ZNF407: variants seen among roughly 807,000 people sequenced by gnomAD.
ZNF407 encodes the protein zinc finger protein 407.
In ZNF407, 17 loss-of-function variants were observed where a neutral mutation model predicts 131.2. The observed-to-expected ratio is 0.13, with a 90% CI of 0.09 to 0.19. The LOEUF (loss-of-function observed/expected upper bound fraction) is 0.19, where lower values mean the gene tolerates loss of function less well. ZNF407 is among the 10% of genes least tolerant of loss of function. ZNF407 has a pLI of 1.00. For synonymous variants in ZNF407, 1,156 were observed against 1,062.0 expected (o/e 1.09, Z -1.72); for missense variants, 2,681 against 2,830.6 (o/e 0.95, Z 1.20).
intron 3 of ZNF407, among the ~76,000 whole-genome samples, chr18:74,755,650 G>GCTAT (rs1436720517): frequency 2.2e-5 from 3 of 136,328 alleles, no homozygotes; most frequent in African/African-American, 8.4e-5. Context: ...GTGCAGTGGC[G>GCTAT]CTATCTCAGC....
chr18:75,018,069 T>A (rs1973065813), intron 8 of ZNF407, among the ~76,000 whole-genome samples: 1 of 152,192 alleles, frequency 6.6e-6, no homozygotes, highest in African/African-American at 2.4e-5. Context: ...AATAGTATAA[T>A]TGATATTTGC....
At chr18:74,890,158 G>T (rs1183727883) in intron 7 of ZNF407, 120 bp downstream of exon 7, 1 of 1,145,716 alleles carries the variant, frequency 8.7e-7, no homozygotes, top group East Asian at 3.1e-5. Flanking sequence ...ATTCGGTTGG[G>T]AGCTAATTAC....
At chr18:75,031,090 T>TG (rs1973234512) in intron 8 of ZNF407, among the ~76,000 whole-genome samples, 29 of 152,272 alleles carry the variant, frequency 1.9e-4, no homozygotes, top group South Asian at 1.4e-3. Context: ...ATAGCAGCAG[T>TG]TCACTCACCT....
chr18:74,685,783 G>A (rs1967083644), intron 3 of ZNF407, among the ~76,000 whole-genome samples: 1 of 152,130 alleles, frequency 6.6e-6, no homozygotes, highest in African/African-American at 2.4e-5. Context: ...CTCACATGCC[G>A]CCTTCGAAGT....
intron 8 of ZNF407, among the ~76,000 whole-genome samples, chr18:74,950,824 C>T (rs1972205518): frequency 6.6e-6 from 1 of 152,176 alleles, no homozygotes; most frequent in African/African-American, 2.4e-5. Context: ...ACCTGACTCT[C>T]CAGGGTTTTC....
chr18:74,863,711 G>T (rs1256328588), intron 4 of ZNF407, among the ~76,000 whole-genome samples: 2 of 152,084 alleles, frequency 1.3e-5, no homozygotes, highest in Non-Finnish European at 2.9e-5. Flanking sequence ...ACTCTATTAT[G>T]TTTTTCTATT....
chr18:74,811,839 A>C (rs1009857283), intron 4 of ZNF407, among the ~76,000 whole-genome samples: 9 of 149,734 alleles, frequency 6.0e-5, no homozygotes, highest in Admixed American at 2.7e-4. Context: ...ACACATGGAC[A>C]CAGGAAGGGG....
intron 4 of ZNF407, among the ~76,000 whole-genome samples, chr18:74,828,549 C>T (rs1007490136): frequency 6.7e-5 from 10 of 150,160 alleles, no homozygotes; most frequent in African/African-American, 2.4e-4. Context: ...TTATTTAGTC[C>T]ATTAAAATAA....
chr18:74,713,718 C>A (rs778514469), intron 3 of ZNF407, among the ~76,000 whole-genome samples: 1 of 151,974 alleles, frequency 6.6e-6, no homozygotes, highest in African/African-American at 2.4e-5. Flanking sequence ...ACAAACAGAC[C>A]GTGCTATAGA....
At chr18:74,809,158 A>G (rs1172919038) in intron 4 of ZNF407, among the ~76,000 whole-genome samples, 8 of 152,224 alleles carry the variant, frequency 5.3e-5, no homozygotes, top group Non-Finnish European at 8.8e-5. Flanking sequence ...CATCTTCGCC[A>G]TGCAATTTTA....
intron 3 of ZNF407, among the ~76,000 whole-genome samples, chr18:74,696,503 G>C (rs1967359145): frequency 6.6e-6 from 1 of 152,096 alleles, no homozygotes; most frequent in Admixed American, 6.6e-5. Context: ...GTTCTATTCG[G>C]AGCAATGACT....
chr18:74,675,470 T>C (rs1986316287), intron 3 of ZNF407, among the ~76,000 whole-genome samples: 1 of 152,204 alleles, frequency 6.6e-6, no homozygotes, highest in African/African-American at 2.4e-5. Flanking sequence ...ATGTATTTTT[T>C]ATGTGTTCCA....
rs567607028 is a variant in ZNF407, at chr18:74,977,088, A to G, written c.5428+56396A>G. On this transcript the variant is annotated intron_variant, in intron 8 of 8. Coordinates refer to ENST00000299687, the MANE Select transcript of ZNF407 (RefSeq NM_017757.3). Reference sequence around the variant, plus strand: ...CAATTGTGATTTTGTTTAAATCTCCATGTTTATGTGTTTTTAATTTAACTT... The same window carrying G: ...CAATTGTGATTTTGTTTAAATCTCCGTGTTTATGTGTTTTTAATTTAACTT... Among the ~76,000 whole-genome samples, 13 of 152,362 alleles carry G rather than the reference A, an allele frequency of 8.5e-5. No individual in the cohort carries two copies. The East Asian group carries it at 2.5e-3, about 29-fold the overall frequency.
At chr18:74,764,061 TA>T in intron 3 of ZNF407, among the ~76,000 whole-genome samples, 1 of 152,182 alleles carries the variant, frequency 6.6e-6, no homozygotes, top group South Asian at 2.1e-4. Flanking sequence ...CTTTTTTTTT[TA>T]GACTTTTGCT....
chr18:74,832,094 G>A (rs1035352923), intron 4 of ZNF407, among the ~76,000 whole-genome samples: 2 of 152,210 alleles, frequency 1.3e-5, no homozygotes, highest in African/African-American at 4.8e-5. Flanking sequence ...CATGTGGGGA[G>A]ATGATTCACT....
At chr18:74,912,421 C>T (rs2145225809) in intron 7 of ZNF407, among the ~76,000 whole-genome samples, 1 of 152,138 alleles carries the variant, frequency 6.6e-6, no homozygotes, top group African/African-American at 2.4e-5. Context: ...CGTCCTGCTA[C>T]CTGGTTCATT....
intron 4 of ZNF407, among the ~76,000 whole-genome samples, chr18:74,807,399 G>A (rs900760615): frequency 5.9e-5 from 9 of 152,098 alleles, no homozygotes; most frequent in Non-Finnish European, 4.4e-5. Flanking sequence ...GGTAGTCTTC[G>A]TTGTGCATGG....
chr18:74,783,946 C>G (rs1397300433), intron 4 of ZNF407, among the ~76,000 whole-genome samples: 10 of 152,218 alleles, frequency 6.6e-5, no homozygotes, highest in Admixed American at 5.9e-4. Context: ...AGGACCCCAG[C>G]AGCAGTATAA....
rs987540783 is a variant in ZNF407 at position 75,041,144 on chromosome 18, T to TA, written c.5429-22005dup. Among the ~76,000 whole-genome samples, 66 of 152,292 alleles carry TA rather than the reference T, an allele frequency of 4.3e-4. 1 individual carries two copies. The highest frequency in any genetic ancestry group is 1.5e-3 in the African/African-American group (62 of 41,556). ...TGCAATGGACGTAGAAACTGAAGCT[T>TA]AGAGAGGTGGACAAGCTGCCCAGGC... On this transcript the variant is annotated intron_variant, in intron 8 of 8. Transcript: ENST00000299687.
Sources: allele counts gnomAD v4.1 joint callset (sites outside exome capture counted in the v4.1 genomes callset), GRCh38; gene constraint gnomAD v4.1.1; transcripts MANE v1.5; gene names NCBI Gene and HGNC (gene_info 2026-07-23, HGNC 2026-07-21).